Variants in TBCK observed in about 807,000 individuals in gnomAD.
TBCK encodes the protein TBC domain-containing protein kinase-like protein.
Under a neutral mutation model 113.4 loss-of-function variants are expected in TBCK, and 99 were observed. That is an observed-to-expected ratio of 0.87 (90% CI 0.74 to 1.03). The LOEUF is 1.03. Among genes scored for constraint, TBCK ranks in the 50% least tolerant of loss-of-function variants. The pLI is 0.00. For synonymous variants in TBCK, 369 were observed against 370.8 expected (o/e 1.00, Z 0.05); for missense variants, 1,045 against 1,061.3 (o/e 0.98, Z 0.21).
chr4:106,252,011 T>C lies in TBCK; in HGVS notation c.456-4A>G. ...AGGGGCCAAGTACGAGGGATACCTG[T>C]AATGATACATTAAAATAATGAAAAA... On this transcript the variant is annotated splice_region_variant and splice_polypyrimidine_tract_variant and intron_variant, in intron 5 of 25. Transcript: ENST00000394708. The C allele has an allele frequency of 6.3e-7, 1 of 1,583,052 alleles. No homozygotes were observed. Among genetic ancestry groups the C allele is most frequent in the Non-Finnish European group, 8.6e-7 (1 of 1,166,552 alleles).
At chr4:106,120,833 G>C (rs1049392623) in intron 23 of TBCK, among the ~76,000 whole-genome samples, 1 of 152,072 alleles carries the variant, frequency 6.6e-6, no homozygotes, top group African/African-American at 2.4e-5. Flanking sequence ...CATCATCAAA[G>C]ACCAAAAGCA....
intron 19 of TBCK, among the ~76,000 whole-genome samples, chr4:106,220,714 T>C (rs79415850): frequency 2.4e-4 from 37 of 152,276 alleles, no homozygotes; most frequent in Admixed American, 5.2e-4. Flanking sequence ...TTTTCCTCTC[T>C]GCACAAAAAA....
At chr4:106,183,836 G>A (rs1752690815) in intron 22 of TBCK, among the ~76,000 whole-genome samples, 1 of 152,008 alleles carries the variant, frequency 6.6e-6, no homozygotes, top group South Asian at 2.1e-4. Context: ...TAGTCTCACT[G>A]ACACCATTAG....
chr4:106,194,149 T>A (rs1753954907), intron 21 of TBCK, among the ~76,000 whole-genome samples: 1 of 152,108 alleles, frequency 6.6e-6, no homozygotes, highest in African/African-American at 2.4e-5. Context: ...CCACCAAAAA[T>A]CCTATGAGCA....
chr4:106,233,625 G>C lies in TBCK; in HGVS notation c.1475C>G (p.Ala492Gly). The C allele has an allele frequency of 6.2e-7, 1 of 1,610,710 alleles. No individual in the cohort carries two copies. Among genetic ancestry groups the C allele is most frequent in the Non-Finnish European group, 8.5e-7 (1 of 1,178,132 alleles). The change falls in exon 16 of 26, where the codon GCA becomes GGA. Residue 492 changes from alanine (A) to glycine (G), a missense_variant. By Grantham distance (60) the Ala-to-Gly change is moderately conservative. Coordinates refer to ENST00000394708, the MANE Select transcript of TBCK (RefSeq NM_001163435.3). ...VEGAIHAKYD[A>G]IDKDTPIPTD... ...AGGAATTGGAGTGTCTTTATCAATT[G>C]CATCGTACTTGGCATGAATAGCTCC...
chr4:106,218,164 A>T (rs1343555241), intron 19 of TBCK, among the ~76,000 whole-genome samples: 1 of 144,600 alleles, frequency 6.9e-6, no homozygotes, highest in Non-Finnish European at 1.5e-5. Context: ...CTGGCTAGCC[A>T]TATGTAGAAA....
At chr4:106,309,191 A>T (rs1767884379) in intron 1 of TBCK, among the ~76,000 whole-genome samples, 1 of 152,132 alleles carries the variant, frequency 6.6e-6, no homozygotes, top group African/African-American at 2.4e-5. Flanking sequence ...TCAAACTCTA[A>T]GATTTTCAAT....
chr4:106,219,219 G>A (rs1356709056), intron 19 of TBCK, among the ~76,000 whole-genome samples: 1 of 118,838 alleles, frequency 8.4e-6, no homozygotes, highest in Admixed American at 1.0e-4. Flanking sequence ...GGGGCCTGTT[G>A]TGGGGTGGGG....
intron 3 of TBCK, among the ~76,000 whole-genome samples, chr4:106,271,140 A>G (rs1763431874): frequency 6.6e-6 from 1 of 152,160 alleles, no homozygotes; most frequent in Non-Finnish European, 1.5e-5. Flanking sequence ...TGAATTAGTT[A>G]GTTCTGTCTA....
At chr4:106,235,617 C>T (rs1358122666) in intron 14 of TBCK, among the ~76,000 whole-genome samples, 1 of 151,898 alleles carries the variant, frequency 6.6e-6, no homozygotes, top group Non-Finnish European at 1.5e-5. Context: ...TTTAATCCTT[C>T]CTCTCTATTT....
intron 12 of TBCK, among the ~76,000 whole-genome samples, chr4:106,237,960 C>G (rs1759660705): frequency 6.6e-6 from 1 of 151,808 alleles, no homozygotes; most frequent in Non-Finnish European, 1.5e-5. Context: ...AATGAAAACA[C>G]TAAAGATAAA....
chr4:106,133,380 TGGAACTGTGAGTCAATTAA>T (rs1359180578), intron 23 of TBCK, among the ~76,000 whole-genome samples: 1 of 152,166 alleles, frequency 6.6e-6, no homozygotes, highest in Non-Finnish European at 1.5e-5. Flanking sequence ...TCCCAGCAAA[TGGAACTGTGAGTCAATTAA>T]ACCTCTTTCC....
At chr4:106,134,442 A>G (rs1246589065) in intron 23 of TBCK, among the ~76,000 whole-genome samples, 1 of 152,214 alleles carries the variant, frequency 6.6e-6, no homozygotes, top group African/African-American at 2.4e-5. Context: ...GCTACCAACA[A>G]AATCTGTCCA....
intron 3 of TBCK, among the ~76,000 whole-genome samples, chr4:106,277,763 A>C (rs961445349): frequency 1.3e-5 from 2 of 152,200 alleles, no homozygotes; most frequent in African/African-American, 4.8e-5. Flanking sequence ...ATCTAGTCTT[A>C]ATGCATTTAG....
At chr4:106,071,468 T>C (rs1188621115) in intron 25 of TBCK, among the ~76,000 whole-genome samples, 2 of 152,196 alleles carry the variant, frequency 1.3e-5, no homozygotes, top group Non-Finnish European at 2.9e-5. Flanking sequence ...AGAGACAGTT[T>C]ATTATAATTT....
chr4:106,149,673 A>C (rs538898213), intron 23 of TBCK, among the ~76,000 whole-genome samples: 1 of 152,352 alleles, frequency 6.6e-6, no homozygotes, highest in East Asian at 1.9e-4. Flanking sequence ...TCACCGTAAC[A>C]GATATAATAA....
chr4:106,208,407 GC>G (rs1755771266), intron 20 of TBCK, among the ~76,000 whole-genome samples: 1 of 137,546 alleles, frequency 7.3e-6, no homozygotes, highest in Non-Finnish European at 1.6e-5. Context: ...TTTGAGTGGT[GC>G]CTTTTTTTTT....
intron 20 of TBCK, among the ~76,000 whole-genome samples, chr4:106,204,047 G>C (rs1279305007): frequency 6.6e-6 from 1 of 151,974 alleles, no homozygotes; most frequent in African/African-American, 2.4e-5. Flanking sequence ...TTCTAAATAT[G>C]AATCATGCTA....
intron 12 of TBCK, among the ~76,000 whole-genome samples, chr4:106,240,115 A>G (rs1161165861): frequency 1.3e-5 from 2 of 152,164 alleles, no homozygotes; most frequent in East Asian, 1.9e-4. Context: ...ATCCATTAAC[A>G]TAATACATAA....
Sources: allele counts gnomAD v4.1 joint callset (sites outside exome capture counted in the v4.1 genomes callset), GRCh38; gene constraint gnomAD v4.1.1; transcripts MANE v1.5; gene names NCBI Gene and HGNC (gene_info 2026-07-23, HGNC 2026-07-21).